The following CC2D2A variants were observed in gnomAD, a reference collection of about 807,000 sequenced individuals.
CC2D2A encodes the protein coiled-coil and C2 domain containing 2A, also known as coiled-coil and C2 domain-containing protein 2A.
In CC2D2A, 155 loss-of-function variants were observed where a neutral mutation model predicts 212.9. That is an observed-to-expected ratio of 0.73 (90% CI 0.64 to 0.83). The LOEUF is 0.83. Ranked by LOEUF, CC2D2A falls within the 40% of genes least tolerant of loss-of-function variation. The pLI, the probability that CC2D2A is intolerant of heterozygous loss-of-function variation, is 0.00. For missense variants in CC2D2A, 1,856 were observed against 1,956.2 expected (o/e 0.95, Z 0.97); for synonymous variants, 667 against 686.5 (o/e 0.97, Z 0.44).
intron 31 of CC2D2A, among the ~76,000 whole-genome samples, chr4:15,586,576 G>T (rs1720864537): frequency 1.3e-5 from 2 of 152,062 alleles, no homozygotes; most frequent in Non-Finnish European, 1.5e-5. Context: ...AATTAGAAAT[G>T]ATATATTCCT....
At chr4:15,559,803 GTTATTTAT>G (rs564732212) in intron 22 of CC2D2A, among the ~76,000 whole-genome samples, 1 of 151,614 alleles carries the variant, frequency 6.6e-6, no homozygotes, top group East Asian at 1.9e-4. Flanking sequence ...TATTTAAGAG[GTTATTTAT>G]TTATTTATTT....
chr4:15,517,010 C>T (rs1036357142), intron 11 of CC2D2A, among the ~76,000 whole-genome samples: 4 of 133,870 alleles, frequency 3.0e-5, no homozygotes, highest in Admixed American at 1.7e-4. Context: ...TGCAGTGGCG[C>T]GATCTCGGCT....
chr4:15,488,072 C>T (rs1194543210), intron 4 of CC2D2A, among the ~76,000 whole-genome samples: 1 of 152,044 alleles, frequency 6.6e-6, no homozygotes, highest in Non-Finnish European at 1.5e-5. Flanking sequence ...GTCTTCAGGG[C>T]TAAAGATATG....
intron 27 of CC2D2A, 141 bp from the exon 28 acceptor site, chr4:15,570,257 A>G (rs1376089734): frequency 4.0e-6 from 2 of 503,406 alleles, no homozygotes; most frequent in African/African-American, 3.8e-5. Context: ...GCCATTATGT[A>G]TCTGTACCAG....
intron 12 of CC2D2A, among the ~76,000 whole-genome samples, chr4:15,528,294 C>A (rs1717621213): frequency 6.6e-6 from 1 of 152,186 alleles, no homozygotes; most frequent in African/African-American, 2.4e-5. Flanking sequence ...TGGACCCAGA[C>A]AAACATGCTT....
chr4:15,570,801 C>T (rs986189459), intron 28 of CC2D2A, among the ~76,000 whole-genome samples: 12 of 151,806 alleles, frequency 7.9e-5, no homozygotes, highest in African/African-American at 2.7e-4. Flanking sequence ...GGCAGGAGAA[C>T]TGCTTGAACC....
intron 6 of CC2D2A, among the ~76,000 whole-genome samples, chr4:15,505,264 T>G (rs926580640): frequency 3.9e-5 from 6 of 152,256 alleles, no homozygotes; most frequent in African/African-American, 1.4e-4. Flanking sequence ...CCTTTCACTT[T>G]ATGCTCAGCA....
At chr4:15,544,053 G>C (rs1195433313) in intron 17 of CC2D2A, 1 of 152,204 alleles carries the variant, frequency 6.6e-6, no homozygotes, top group Non-Finnish European at 1.5e-5. Context: ...TGAATGCCTT[G>C]CTAGGGAGAG....
chr4:15,507,605 A>G (rs796117764), intron 6 of CC2D2A, among the ~76,000 whole-genome samples: 7 of 152,342 alleles, frequency 4.6e-5, no homozygotes, highest in African/African-American at 1.7e-4. Context: ...AGCTGACAAA[A>G]GGCAGATTAA....
At chr4:15,540,759 C>G (rs1164122676) in intron 16 of CC2D2A, 78 bp from the exon 17 acceptor site, 4 of 1,342,550 alleles carry the variant, frequency 3.0e-6, no homozygotes, top group Non-Finnish European at 1.0e-6. Flanking sequence ...TTGTTCTGTT[C>G]AGTTCTTATT....
At chr4:15,509,512 G>A (rs921915955) in intron 6 of CC2D2A, among the ~76,000 whole-genome samples, 4 of 152,166 alleles carry the variant, frequency 2.6e-5, no homozygotes, top group Non-Finnish European at 5.9e-5. Context: ...GACCTCAGGT[G>A]ATCTGCCCAC....
intron 16 of CC2D2A, among the ~76,000 whole-genome samples, chr4:15,539,314 C>T (rs1473719432): frequency 2.0e-5 from 3 of 152,042 alleles, no homozygotes; most frequent in Non-Finnish European, 1.5e-5. Context: ...AAAGGGAGTC[C>T]ATTAAAATCA....
intron 13 of CC2D2A, among the ~76,000 whole-genome samples, chr4:15,531,211 C>T (rs1202853328): frequency 6.6e-6 from 1 of 152,172 alleles, no homozygotes; most frequent in Non-Finnish European, 1.5e-5. Flanking sequence ...TGAAGCAAAT[C>T]TTGCCACAGC....
chr4:15,549,923 TA>T (rs1718910784), intron 17 of CC2D2A, among the ~76,000 whole-genome samples: 1 of 152,092 alleles, frequency 6.6e-6, no homozygotes, highest in Non-Finnish European at 1.5e-5. Context: ...GACTATTACA[TA>T]AGAAGAAAAA....
intron 4 of CC2D2A, among the ~76,000 whole-genome samples, chr4:15,482,960 C>T (rs973783683): frequency 2.0e-5 from 3 of 152,314 alleles, no homozygotes; most frequent in Admixed American, 6.5e-5. Context: ...GACCTGCCTA[C>T]TGGAGCCACA....
chr4:15,514,645 A>AACTTAACTTAG (rs1716755144), intron 8 of CC2D2A, 62 bp from the exon 9 acceptor site: 1 of 1,308,746 alleles, frequency 7.6e-7, no homozygotes, highest in African/African-American at 1.5e-5. Context: ...GGTATTGTGA[A>AACTTAACTTAG]TTATTTTTCT....
At chr4:15,537,865 C>G (rs770860976) in intron 15 of CC2D2A, 34 bp from the exon 16 acceptor site, 4 of 1,555,646 alleles carry the variant, frequency 2.6e-6, no homozygotes, top group Non-Finnish European at 3.5e-6. Flanking sequence ...TTCCAAAATT[C>G]CTGTTTGATA....
At chr4:15,479,357 G>C in intron 3 of CC2D2A, 1 of 1,481,950 alleles carries the variant, frequency 6.7e-7, no homozygotes, top group African/African-American at 1.4e-5. Flanking sequence ...GTTGTCCTCT[G>C]AGAAGGGAGG....
intron 18 of CC2D2A, 96 bp from the exon 19 acceptor site, chr4:15,553,062 C>T (rs1577370622): frequency 1.8e-6 from 2 of 1,139,230 alleles, no homozygotes; most frequent in Non-Finnish European, 1.2e-6. Flanking sequence ...CCCCCACCCA[C>T]TCCAAGTTCC....
Sources: allele counts gnomAD v4.1 joint callset (sites outside exome capture counted in the v4.1 genomes callset), GRCh38; gene constraint gnomAD v4.1.1; transcripts MANE v1.5; gene names NCBI Gene and HGNC (gene_info 2026-07-23, HGNC 2026-07-21).